SPATA18: variants seen among roughly 807,000 people sequenced by gnomAD.
SPATA18 encodes the protein spermatogenesis associated 18, also known as mitochondria-eating protein.
SPATA18 carries 54 observed loss-of-function variants against 68.1 expected under a neutral mutation model. The ratio of observed to expected loss-of-function variants is 0.79; its 90% CI spans 0.64 to 0.99. The LOEUF (loss-of-function observed/expected upper bound fraction) is 0.99, where lower values mean the gene tolerates loss of function less well. Among genes scored for constraint, SPATA18 ranks in the 50% least tolerant of loss-of-function variants. The probability of loss-of-function intolerance (pLI) is 0.00; values close to 1 mark genes in which losing one functional copy is unlikely to be tolerated. For synonymous variants in SPATA18, 242 were observed against 244.8 expected, an observed-to-expected ratio of 0.99 and a Z score of 0.11; for missense variants, 724 against 681.1, an observed-to-expected ratio of 1.06 and a Z score of -0.70.
intron 9 of SPATA18, 77 bp downstream of exon 9, chr4:52,079,996 G>T: frequency 6.9e-7 from 1 of 1,450,614 alleles, no homozygotes; most frequent in Admixed American, 2.1e-5. Context: ...AACAATTTAA[G>T]GAAAAGAACT....
At chr4:52,055,327 C>T (rs1026990545) in intron 1 of SPATA18, among the ~76,000 whole-genome samples, 2 of 152,156 alleles carry the variant, frequency 1.3e-5, no homozygotes, top group African/African-American at 2.4e-5. Context: ...TGCCCACTTC[C>T]AATCCAACTT....
At chr4:52,058,983 G>C (rs1738597785) in intron 1 of SPATA18, among the ~76,000 whole-genome samples, 1 of 152,142 alleles carries the variant, frequency 6.6e-6, no homozygotes, top group African/African-American at 2.4e-5. Flanking sequence ...ATAGAGCCTG[G>C]CATATAGGAG....
At chr4:52,059,522 C>A (rs1738647666) in intron 1 of SPATA18, among the ~76,000 whole-genome samples, 1 of 152,194 alleles carries the variant, frequency 6.6e-6, no homozygotes, top group Non-Finnish European at 1.5e-5. Context: ...GTTCTCATTG[C>A]TTAGAATGTT....
chr4:52,057,504 TTTGACC>T (rs1738453937), intron 1 of SPATA18, among the ~76,000 whole-genome samples: 1 of 152,210 alleles, frequency 6.6e-6, no homozygotes, highest in South Asian at 2.1e-4. Context: ...TAAAAACTCA[TTTGACC>T]ACCATTCCTC....
At chr4:52,077,173 C>T (rs1411739578) in intron 7 of SPATA18, 133 bp downstream of exon 7, 2 of 948,964 alleles carry the variant, frequency 2.1e-6, no homozygotes, top group Admixed American at 3.2e-5. Context: ...GTCTCCCCAT[C>T]TGTCTCCTTC....
At chr4:52,072,425 C>G (rs1375824308) in intron 6 of SPATA18, among the ~76,000 whole-genome samples, 1 of 151,660 alleles carries the variant, frequency 6.6e-6, no homozygotes, top group Non-Finnish European at 1.5e-5. Flanking sequence ...CTTTTTGAGA[C>G]AGAGTCCCGC....
chr4:52,072,293 A>G, intron 6 of SPATA18, 137 bp downstream of exon 6: 1 of 1,379,996 alleles, frequency 7.2e-7, no homozygotes, highest in Non-Finnish European at 9.7e-7. Flanking sequence ...TTGAATTGTA[A>G]AGGGATTGTT....
intron 4 of SPATA18, among the ~76,000 whole-genome samples, chr4:52,065,885 G>T (rs898288749): frequency 2.0e-5 from 3 of 152,178 alleles, no homozygotes; most frequent in African/African-American, 7.2e-5. Context: ...TTTATGCCTG[G>T]ATTCTGGTTA....
chr4:52,070,397 G>C (rs560786286), intron 5 of SPATA18, among the ~76,000 whole-genome samples: 1 of 151,940 alleles, frequency 6.6e-6, no homozygotes, highest in Non-Finnish European at 1.5e-5. Flanking sequence ...AAATAATATT[G>C]GGATAATTTT....
intron 10 of SPATA18, chr4:52,083,217 C>A: frequency 1.0e-6 from 1 of 985,208 alleles, no homozygotes; most frequent in Non-Finnish European, 1.2e-6. Flanking sequence ...TAGTTTTTAC[C>A]CCTGCCTTTC....
intron 11 of SPATA18, among the ~76,000 whole-genome samples, chr4:52,088,357 A>C (rs1291147932): frequency 6.6e-6 from 1 of 152,222 alleles, no homozygotes; most frequent in Non-Finnish European, 1.5e-5. Context: ...GCCGGTTTTC[A>C]AAAGGAATGC....
intron 6 of SPATA18, among the ~76,000 whole-genome samples, chr4:52,073,960 A>G (rs999387913): frequency 2.6e-5 from 4 of 152,162 alleles, no homozygotes; most frequent in Admixed American, 6.5e-5. Context: ...GAGCCTAAAG[A>G]CTTTTCTAGC....
intron 1 of SPATA18, among the ~76,000 whole-genome samples, chr4:52,059,213 A>G (rs1261700547): frequency 1.3e-5 from 2 of 152,186 alleles, no homozygotes; most frequent in Non-Finnish European, 2.9e-5. Flanking sequence ...CCTAGAGATT[A>G]TCTCAACTTT....
chr4:52,080,170 A>AGAT lies in SPATA18; in HGVS notation c.1355+253_1355+255dup, dbSNP rs562069410. ...GAGCCTATCTAGAACACTTTTTTAA[A>AGAT]GATGCTCTATAAATACAAATGTGCA... is the stretch of plus-strand genomic sequence containing the variant. On this transcript the variant is annotated intron_variant, in intron 9 of 12. Transcript: ENST00000295213. Among the ~76,000 whole-genome samples, 8 of 152,302 alleles carry AGAT rather than the reference A, an allele frequency of 5.3e-5. No homozygotes were observed. The South Asian group carries it at 1.7e-3, about 32-fold the overall frequency.
chr4:52,079,671 C>T, intron 8 of SPATA18, 73 bp from the exon 9 acceptor site: 2 of 1,532,914 alleles, frequency 1.3e-6, no homozygotes, highest in Non-Finnish European at 1.8e-6. Context: ...CCCATCAATC[C>T]TAATATTCTT....
intron 8 of SPATA18, among the ~76,000 whole-genome samples, chr4:52,079,466 G>A (rs1431001677): frequency 1.3e-5 from 2 of 152,268 alleles, no homozygotes; most frequent in Non-Finnish European, 2.9e-5. Flanking sequence ...AGAAAAATAA[G>A]GATATGATAA....
intron 4 of SPATA18, among the ~76,000 whole-genome samples, chr4:52,066,792 A>G (rs1341799386): frequency 1.3e-5 from 2 of 152,114 alleles, no homozygotes; most frequent in South Asian, 2.1e-4. Context: ...GCTGAAGATA[A>G]TGGCTTCTAG....
chr4:52,093,706 C>T (rs1207881831), intron 11 of SPATA18, among the ~76,000 whole-genome samples: 2 of 152,174 alleles, frequency 1.3e-5, no homozygotes, highest in Non-Finnish European at 2.9e-5. Flanking sequence ...CTCCGGACTC[C>T]CATCAAAAGG....
chr4:52,086,558 T>C (rs1480947568), intron 11 of SPATA18, among the ~76,000 whole-genome samples: 1 of 152,212 alleles, frequency 6.6e-6, no homozygotes, highest in Non-Finnish European at 1.5e-5. Flanking sequence ...GAATGATGGC[T>C]TCCAGCTTCA....
Sources: allele counts gnomAD v4.1 joint callset (sites outside exome capture counted in the v4.1 genomes callset), GRCh38; gene constraint gnomAD v4.1.1; transcripts MANE v1.5; gene names NCBI Gene and HGNC (gene_info 2026-07-23, HGNC 2026-07-21).